Variants in GALNT17 observed in about 807,000 individuals in gnomAD.
The protein encoded by GALNT17 is UDP-GalNAc:polypeptide N-acetylgalactosaminyltransferase-like 3.
In GALNT17, 29 loss-of-function variants were observed where a neutral mutation model predicts 63.7. That is an observed-to-expected ratio of 0.46 (90% CI 0.34 to 0.62). The LOEUF is 0.62. Ranked by LOEUF, GALNT17 falls within the 20% of genes least tolerant of loss-of-function variation. GALNT17 has a pLI of 0.01. For missense variants in GALNT17, 603 were observed against 799.6 expected, an observed-to-expected ratio of 0.75 and a Z score of 2.97; for synonymous variants, 305 against 318.3, an observed-to-expected ratio of 0.96 and a Z score of 0.45.
intron 6 of GALNT17, among the ~76,000 whole-genome samples, chr7:71,624,094 C>G (rs143462947): frequency 5.3e-5 from 8 of 152,262 alleles, no homozygotes; most frequent in Admixed American, 5.2e-4. Context: ...CGGCGGCTGT[C>G]CCACTCTGTG....
At chr7:71,198,857 G>A (rs914902353) in intron 1 of GALNT17, among the ~76,000 whole-genome samples, 2 of 152,192 alleles carry the variant, frequency 1.3e-5, no homozygotes, top group Non-Finnish European at 2.9e-5. Flanking sequence ...CTTCGTTTAT[G>A]TGTTGGCTGC....
chr7:71,240,746 G>A (rs1789979357), intron 1 of GALNT17, among the ~76,000 whole-genome samples: 1 of 151,490 alleles, frequency 6.6e-6, no homozygotes, highest in Non-Finnish European at 1.5e-5. Context: ...CTCACTGCAG[G>A]CTCCGCCCCC....
chr7:71,647,096 G>A (rs113442161), intron 6 of GALNT17, among the ~76,000 whole-genome samples: 4,544 of 151,232 alleles, frequency 0.03, 207 homozygotes, highest in African/African-American at 0.096. Context: ...ACAGAGTCTC[G>A]CTCTGTTACC....
At chr7:71,454,320 G>A (rs1312902862) in intron 5 of GALNT17, among the ~76,000 whole-genome samples, 3 of 152,092 alleles carry the variant, frequency 2.0e-5, no homozygotes, top group African/African-American at 7.2e-5. Context: ...GAGAACATGT[G>A]GTATTTGGTT....
chr7:71,710,236 G>A (rs142797110), intron 9 of GALNT17, among the ~76,000 whole-genome samples: 1,688 of 152,256 alleles, frequency 0.011, 27 homozygotes, highest in African/African-American at 0.038. Context: ...AGGGCCGGGC[G>A]CCGTGGCTCA....
intron 5 of GALNT17, among the ~76,000 whole-genome samples, chr7:71,432,291 A>T (rs1009919706): frequency 6.6e-6 from 1 of 152,116 alleles, no homozygotes; most frequent in African/African-American, 2.4e-5. Flanking sequence ...CCGCGGTGGC[A>T]CATAACAACT....
chr7:71,289,546 G>C (rs547201568), intron 1 of GALNT17, among the ~76,000 whole-genome samples: 2 of 150,746 alleles, frequency 1.3e-5, no homozygotes, highest in African/African-American at 2.4e-5. Flanking sequence ...GACCAGCCTG[G>C]CCAACATGGT....
intron 6 of GALNT17, among the ~76,000 whole-genome samples, chr7:71,592,005 A>G (rs986881531): frequency 6.6e-6 from 1 of 152,136 alleles, no homozygotes; most frequent in Non-Finnish European, 1.5e-5. Flanking sequence ...CAAAGATGCC[A>G]AGGGCGCAGA....
chr7:71,168,358 G>C (rs1307305773), intron 1 of GALNT17, among the ~76,000 whole-genome samples: 1 of 152,118 alleles, frequency 6.6e-6, no homozygotes, highest in East Asian at 1.9e-4. Flanking sequence ...TGGATCACGA[G>C]GTCAGGATTT....
chr7:71,201,239 T>TATATCTATATATA (rs1554338078), intron 1 of GALNT17, among the ~76,000 whole-genome samples: 4 of 101,564 alleles, frequency 3.9e-5, no homozygotes, highest in African/African-American at 1.5e-4. Context: ...GTGTGTTTAT[T>TATATCTATATATA]TTTATATATA....
chr7:71,481,304 G>C (rs1044448545), intron 5 of GALNT17, among the ~76,000 whole-genome samples: 1 of 152,246 alleles, frequency 6.6e-6, no homozygotes, highest in South Asian at 2.1e-4. Flanking sequence ...ACAAAAATTA[G>C]TCAGGGGTGG....
At chr7:71,232,018 T>C (rs530709371) in intron 1 of GALNT17, among the ~76,000 whole-genome samples, 6 of 152,270 alleles carry the variant, frequency 3.9e-5, no homozygotes, top group East Asian at 1.9e-4. Flanking sequence ...TGAGGGTCTT[T>C]AGTAGCTTCA....
intron 5 of GALNT17, among the ~76,000 whole-genome samples, chr7:71,480,804 G>C (rs1787805060): frequency 6.6e-6 from 1 of 152,184 alleles, no homozygotes; most frequent in Non-Finnish European, 1.5e-5. Context: ...ACCATGCCCA[G>C]CTAAAGCCAC....
intron 3 of GALNT17, among the ~76,000 whole-genome samples, chr7:71,412,251 G>A (rs1169953856): frequency 6.6e-6 from 1 of 152,202 alleles, no homozygotes; most frequent in Non-Finnish European, 1.5e-5. Flanking sequence ...GCTGCAGTGA[G>A]CCATGATTGC....
chr7:71,377,846 C>T (rs115898478), intron 2 of GALNT17, among the ~76,000 whole-genome samples: 13 of 152,080 alleles, frequency 8.5e-5, no homozygotes, highest in Non-Finnish European at 1.5e-4. Flanking sequence ...TCTCTCCTGC[C>T]GCCTTGTGAA....
chr7:71,495,334 A>C (rs558137606), intron 5 of GALNT17, among the ~76,000 whole-genome samples: 1 of 152,172 alleles, frequency 6.6e-6, no homozygotes, highest in South Asian at 2.1e-4. Context: ...GCCATATCAG[A>C]AGACAAGCAA....
At chr7:71,415,415 A>G (rs1563075793) in intron 3 of GALNT17, among the ~76,000 whole-genome samples, 1 of 152,226 alleles carries the variant, frequency 6.6e-6, no homozygotes, top group South Asian at 2.1e-4. Context: ...AGGGTATTCA[A>G]TCCCTGGTAG....
chr7:71,664,904 A>G (rs951993580), intron 6 of GALNT17, among the ~76,000 whole-genome samples: 7 of 152,076 alleles, frequency 4.6e-5, no homozygotes, highest in African/African-American at 1.4e-4. Flanking sequence ...TCTTTTTTAT[A>G]TGTTTTAGTC....
intron 1 of GALNT17, among the ~76,000 whole-genome samples, chr7:71,221,875 A>G (rs948795543): frequency 2.0e-5 from 3 of 151,874 alleles, no homozygotes; most frequent in African/African-American, 7.3e-5. Context: ...GCATTAGTAC[A>G]ATACTGTCAA....
Sources: allele counts gnomAD v4.1 joint callset (sites outside exome capture counted in the v4.1 genomes callset), GRCh38; gene constraint gnomAD v4.1.1; transcripts MANE v1.5; gene names NCBI Gene and HGNC (gene_info 2026-07-23, HGNC 2026-07-21).